Variants in RIMKLB observed in about 807,000 individuals in gnomAD.
RIMKLB encodes the protein beta-citrylglutamate synthase B.
RIMKLB carries 7 observed loss-of-function variants against 32.0 expected under a neutral mutation model. The ratio of observed to expected loss-of-function variants is 0.22; its 90% confidence interval spans 0.12 to 0.41. The LOEUF (loss-of-function observed/expected upper bound fraction) is 0.41. Among genes scored for constraint, RIMKLB ranks in the 10% least tolerant of loss-of-function variants. The pLI is 1.00. For missense variants in RIMKLB, 289 were observed against 498.7 expected, an observed-to-expected ratio of 0.58 and a Z score of 4.00; for synonymous variants, 172 against 185.1, an observed-to-expected ratio of 0.93 and a Z score of 0.57.
At chr12:8,714,650 G>T (rs890894343) in intron 2 of RIMKLB, among the ~76,000 whole-genome samples, 5 of 152,002 alleles carry the variant, frequency 3.3e-5, no homozygotes, top group Admixed American at 6.6e-5. Flanking sequence ...TTTCATATTT[G>T]TTTTGGGATT....
the RIMKLB span, among the ~76,000 whole-genome samples, chr12:8,670,441 G>A: frequency 6.6e-6 from 1 of 152,178 alleles, no homozygotes; most frequent in Admixed American, 6.5e-5. Flanking sequence ...GCCCATGCAA[G>A]TCCAAAATCC....
At chr12:8,670,600 C>T in the RIMKLB span, among the ~76,000 whole-genome samples, 1 of 152,206 alleles carries the variant, frequency 6.6e-6, no homozygotes, top group Non-Finnish European at 1.5e-5. Context: ...CTTCCAGCTG[C>T]TTTCACAGGC....
At chr12:8,673,081 C>T in the RIMKLB span, among the ~76,000 whole-genome samples, 1 of 152,120 alleles carries the variant, frequency 6.6e-6, no homozygotes, top group Non-Finnish European at 1.5e-5. Context: ...AGGGTTTCAC[C>T]ATGTTAGCCA....
chr12:8,693,491 G>A (rs1409141231), upstream of RIMKLB, among the ~76,000 whole-genome samples: 1 of 151,130 alleles, frequency 6.6e-6, no homozygotes, highest in African/African-American at 2.4e-5. Context: ...CCGCCTCCCA[G>A]GTTCAAGTGA....
At chr12:8,697,624 G>A (rs952005808), upstream of RIMKLB, 2 of 195,860 alleles carry the variant, frequency 1.0e-5, no homozygotes, top group Non-Finnish European at 2.2e-5. Context: ...CCCTTTCTCA[G>A]TGAAGACGGT....
At chr12:8,749,788 T>C (rs956652788) in intron 2 of RIMKLB, 74 bp from the exon 3 acceptor site, 2 of 923,158 alleles carry the variant, frequency 2.2e-6, no homozygotes, top group Non-Finnish European at 3.3e-6. Flanking sequence ...ATCCAAACTT[T>C]GGCGTATTAC....
At position 8,743,687 on chromosome 12, in the gene RIMKLB, T is replaced by C. The variant is rs548169579; in HGVS notation, c.176-6175T>C. Among the ~76,000 whole-genome samples, 23 of 151,990 alleles carry C rather than the reference T, an allele frequency of 1.5e-4. No individual in the cohort carries two copies. In the South Asian group the frequency reaches 4.1e-3, roughly 27 times the overall value. On this transcript the variant is annotated intron_variant, in intron 2 of 5. Transcript: ENST00000535829. The stretch of plus-strand genomic sequence containing the variant: ...TAATCAGCCCTTAACACTGTCACTC[T>C]GCTTTGACAACAGCAGCAACCTTTT...
downstream of RIMKLB, among the ~76,000 whole-genome samples, chr12:8,778,422 A>G (rs527977823): frequency 2.6e-5 from 4 of 151,978 alleles, no homozygotes; most frequent in Non-Finnish European, 4.4e-5. Context: ...TAGCATTTCT[A>G]AGATACTAGT....
At chr12:8,722,051 G>A (rs905505255) in intron 2 of RIMKLB, among the ~76,000 whole-genome samples, 1 of 152,010 alleles carries the variant, frequency 6.6e-6, no homozygotes, top group Non-Finnish European at 1.5e-5. Flanking sequence ...GCCTATGAGT[G>A]TTCTTAATGG....
chr12:8,670,907 T>G, the RIMKLB span, among the ~76,000 whole-genome samples: 8 of 152,240 alleles, frequency 5.3e-5, no homozygotes, highest in South Asian at 2.1e-4. Context: ...TCTGTCCAAC[T>G]GCAGGCCCGA....
At chr12:8,708,886 T>C (rs977642822) in intron 1 of RIMKLB, among the ~76,000 whole-genome samples, 1 of 152,204 alleles carries the variant, frequency 6.6e-6, no homozygotes, top group Admixed American at 6.5e-5. Flanking sequence ...AAACTCTCTT[T>C]GTAGAATTTC....
upstream of RIMKLB, among the ~76,000 whole-genome samples, chr12:8,695,183 A>C (rs868653771): frequency 0.011 from 1,626 of 141,936 alleles, 26 homozygotes; most frequent in African/African-American, 0.03. Context: ...CAATTGCCGC[A>C]CCGCCCCGCC....
Position 8,707,109 on chromosome 12 carries a change from G to A in RIMKLB, c.-56-6702G>A, listed in dbSNP as rs760158023. Among the ~76,000 whole-genome samples the A allele has an allele frequency of 1.4e-4, 21 of 152,270 alleles. No individual in the cohort carries two copies. The South Asian group carries it at 4.1e-3, about 30-fold the overall frequency. On this transcript the variant is annotated intron_variant, in intron 1 of 5. Coordinates refer to ENST00000535829, the MANE Select transcript of RIMKLB (RefSeq NM_001297776.2). ...TTCAGCAACACCAATCAACACAGAA[G>A]ATCCACTGATGGAGATTTCTCCTCA...
rs1417129841 is a variant in RIMKLB at position 8,773,485 on chromosome 12, G to C, written c.862G>C (p.Asp288His). The C allele has an allele frequency of 6.2e-7, 1 of 1,614,234 alleles. No individual in the cohort carries two copies. Among genetic ancestry groups the C allele is most frequent in the Non-Finnish European group, 8.5e-7 (1 of 1,180,036 alleles). ...TGCAAATGTAGGTTTCATCGCCTTT[G>C]ATAAGGCTTGTAATCTAGATGTAGC... The part of the protein sequence containing the change: ...ANANVGFIAF[D>H]KACNLDVAGI... The change falls in exon 6 of 6, where the codon GAT (aspartate) becomes CAT (histidine). Residue 288 changes from aspartate to histidine, a missense_variant. Transcript: ENST00000535829.
At chr12:8,736,015 C>T (rs1426776739) in intron 2 of RIMKLB, among the ~76,000 whole-genome samples, 1 of 152,202 alleles carries the variant, frequency 6.6e-6, no homozygotes, top group Non-Finnish European at 1.5e-5. Flanking sequence ...CAGGTGTGAG[C>T]CACTGCCCTG....
At chr12:8,676,382 C>CTTTTTTTTTT in the RIMKLB span, among the ~76,000 whole-genome samples, 1 of 37,338 alleles carries the variant, frequency 2.7e-5, no homozygotes, top group Non-Finnish European at 4.7e-5. Flanking sequence ...CCCCCAACAG[C>CTTTTTTTTTT]TTTTTTTTTT....
chr12:8,701,427 GT>G (rs998354064), intron 1 of RIMKLB, among the ~76,000 whole-genome samples: 37 of 147,902 alleles, frequency 2.5e-4, no homozygotes, highest in East Asian at 5.9e-4. Flanking sequence ...CTTTTTCAGT[GT>G]TTTTTTTTTC....
At chr12:8,711,522 CT>C (rs11318157) in intron 1 of RIMKLB, among the ~76,000 whole-genome samples, 5,104 of 147,962 alleles carry the variant, frequency 0.034, 286 homozygotes, top group African/African-American at 0.12. Context: ...TGATTACAAA[CT>C]TTTTTTTTTT....
chr12:8,716,828 C>G (rs980346556), intron 2 of RIMKLB, among the ~76,000 whole-genome samples: 2 of 149,060 alleles, frequency 1.3e-5, no homozygotes, highest in Non-Finnish European at 3.0e-5. Context: ...CCTCAACTTC[C>G]CAGGCTCAAG....
Sources: gnomAD v4.1 joint callset for allele counts (sites outside exome capture counted in the v4.1 genomes callset) on GRCh38, gnomAD v4.1.1 for gene constraint, MANE v1.5 for transcripts, NCBI Gene and HGNC (gene_info 2026-07-23, HGNC 2026-07-21) for gene names.